MACROD2: variants seen among roughly 807,000 people sequenced by gnomAD.
MACROD2 encodes the protein ADP-ribose glycohydrolase MACROD2.
In MACROD2, 36 loss-of-function variants were observed where a neutral mutation model predicts 70.4. The ratio of observed to expected loss-of-function variants is 0.51; its 90% confidence interval spans 0.39 to 0.68. The LOEUF is 0.68. Among genes scored for constraint, MACROD2 ranks in the 30% least tolerant of loss-of-function variants. MACROD2 has a pLI of 0.00. For synonymous variants in MACROD2, 172 were observed against 178.8 expected, an observed-to-expected ratio of 0.96 and a Z score of 0.30; for missense variants, 496 against 538.4, an observed-to-expected ratio of 0.92 and a Z score of 0.78.
intron 8 of MACROD2, among the ~76,000 whole-genome samples, chr20:15,546,347 T>C (rs1329561667): frequency 1.3e-5 from 2 of 152,152 alleles, no homozygotes; most frequent in East Asian, 3.9e-4. Context: ...TCTCCTTTAT[T>C]CCTCTCAACA....
intron 6 of MACROD2, among the ~76,000 whole-genome samples, chr20:15,231,188 T>G (rs2076956198): frequency 6.6e-6 from 1 of 152,042 alleles, no homozygotes; most frequent in Non-Finnish European, 1.5e-5. Flanking sequence ...TTTTTAATCT[T>G]TGGATAATTA....
chr20:14,536,628 T>G (rs888187280), intron 4 of MACROD2, among the ~76,000 whole-genome samples: 5 of 82,952 alleles, frequency 6.0e-5, no homozygotes, highest in African/African-American at 2.0e-4. Context: ...GTAACATTGG[T>G]GTGTGTGTGT....
intron 4 of MACROD2, among the ~76,000 whole-genome samples, chr20:14,583,271 C>T (rs540863542): frequency 1.3e-5 from 2 of 152,116 alleles, no homozygotes; most frequent in Admixed American, 6.5e-5. Flanking sequence ...AACCCACAGA[C>T]CGTTAGGGGC....
chr20:15,111,182 T>G (rs1179753330), intron 5 of MACROD2, among the ~76,000 whole-genome samples: 24 of 151,472 alleles, frequency 1.6e-4, no homozygotes, highest in South Asian at 4.2e-4. Flanking sequence ...TGTTTGTTTT[T>G]TTTTTTTTGC....
intron 8 of MACROD2, among the ~76,000 whole-genome samples, chr20:15,639,959 GAGAA>G (rs1334646716): frequency 6.7e-6 from 1 of 149,500 alleles, no homozygotes; most frequent in Non-Finnish European, 1.5e-5. Context: ...GAGGGGATGA[GAGAA>G]AGAAGGAGAA....
intron 5 of MACROD2, among the ~76,000 whole-genome samples, chr20:15,026,231 A>G (rs1332099949): frequency 6.6e-6 from 1 of 152,186 alleles, no homozygotes; most frequent in Non-Finnish European, 1.5e-5. Flanking sequence ...GGCATTTACC[A>G]TTGTTTAAGG....
Position 14,469,978 on chromosome 20 carries a change from G to A in MACROD2, c.272-23501G>A, listed in dbSNP as rs538520959. ...TCCAGTTTTGTTCCCTTGCTGGTGA[G>A]GAGTTGTAATCCTTTGGAGGAGAAG... On this transcript the variant is annotated intron_variant, in intron 3 of 17. Transcript: ENST00000684519. Among the ~76,000 whole-genome samples the A allele has an allele frequency of 5.3e-5, 8 of 152,114 alleles. No homozygotes were observed. In the South Asian group the frequency reaches 1.5e-3, roughly 28 times the overall value.
At chr20:15,881,893 A>G (rs1445084767) in intron 9 of MACROD2, among the ~76,000 whole-genome samples, 2 of 152,098 alleles carry the variant, frequency 1.3e-5, no homozygotes, top group Non-Finnish European at 2.9e-5. Context: ...AATTTCTTTC[A>G]TTGTTATACT....
intron 3 of MACROD2, among the ~76,000 whole-genome samples, chr20:14,215,933 C>G (rs1247930658): frequency 1.3e-5 from 2 of 152,038 alleles, no homozygotes; most frequent in African/African-American, 4.8e-5. Context: ...GATGTATAGA[C>G]TGTAAAGATT....
intron 3 of MACROD2, among the ~76,000 whole-genome samples, chr20:14,463,006 T>A (rs1194446627): frequency 1.3e-5 from 2 of 152,098 alleles, no homozygotes; most frequent in African/African-American, 4.8e-5. Context: ...TAGGATTGAC[T>A]TGGCAATGCG....
chr20:15,516,721 A>C lies in MACROD2; in HGVS notation c.645+16874A>C, dbSNP rs571513565. Among the ~76,000 whole-genome samples the C allele has an allele frequency of 2.6e-5, 4 of 152,306 alleles. No individual in the cohort carries two copies. The South Asian group carries it at 8.3e-4, about 32-fold the overall frequency. ...CACCTGATCCTCGGTCCACAGACTC[A>C]AGAGGTCTCAGAGAGTTTGTAAATT... On this transcript the variant is annotated intron_variant, in intron 8 of 17. Transcript: ENST00000684519.
intron 3 of MACROD2, among the ~76,000 whole-genome samples, chr20:14,456,042 A>C (rs2084298777): frequency 6.6e-6 from 1 of 151,836 alleles, no homozygotes; most frequent in South Asian, 2.1e-4. Context: ...TATATGAATT[A>C]AAGAATTCTC....
At chr20:15,302,831 C>T (rs2077660148) in intron 6 of MACROD2, among the ~76,000 whole-genome samples, 1 of 152,182 alleles carries the variant, frequency 6.6e-6, no homozygotes, top group African/African-American at 2.4e-5. Flanking sequence ...AAACCTGGTG[C>T]ATTTCCTCAA....
intron 7 of MACROD2, among the ~76,000 whole-genome samples, chr20:15,474,065 C>T (rs73254709): frequency 0.063 from 9,637 of 152,058 alleles, 364 homozygotes; most frequent in African/African-American, 0.11. Context: ...AAAATAGGAA[C>T]GAGAATTAAT....
chr20:15,546,079 C>G (rs984762809), intron 8 of MACROD2, among the ~76,000 whole-genome samples: 9 of 152,124 alleles, frequency 5.9e-5, no homozygotes, highest in African/African-American at 2.2e-4. Context: ...GGTGAAACCC[C>G]GTCTAAAAAT....
At position 14,093,897 on chromosome 20, in the gene MACROD2, A is replaced by G. The variant is rs188507802; in HGVS notation, c.271+8169A>G. 1.3e-3 allele frequency among the ~76,000 whole-genome samples: 202 copies of G among 152,300 alleles called. 1 individual carries two copies. The Middle Eastern group carries it at 0.027, about 21-fold the overall frequency. The stretch of plus-strand genomic sequence containing the variant: ...GAGTGTATATTGCACTTAGGAAACC[A>G]CATGTGGCTGAGTGTGCTTGGAGCA... On this transcript the variant is annotated intron_variant, in intron 3 of 17. Transcript: ENST00000684519.
chr20:15,635,391 A>G (rs1437981639), intron 8 of MACROD2, among the ~76,000 whole-genome samples: 1 of 152,174 alleles, frequency 6.6e-6, no homozygotes, highest in Non-Finnish European at 1.5e-5. Context: ...TAATATGTCC[A>G]TTTCTATTTT....
At chr20:14,720,569 T>TTTTTTTTTTTTTTG (rs531072431) in intron 5 of MACROD2, among the ~76,000 whole-genome samples, 5 of 84,156 alleles carry the variant, frequency 5.9e-5, no homozygotes, top group Non-Finnish European at 9.7e-5. Flanking sequence ...TTTTTTTTTT[T>TTTTTTTTTTTTTTG]TGTGAGGCAG....
chr20:15,744,502 C>T (rs1050679127), intron 8 of MACROD2, among the ~76,000 whole-genome samples: 1 of 152,118 alleles, frequency 6.6e-6, no homozygotes, highest in Admixed American at 6.6e-5. Flanking sequence ...ATTTAAATGC[C>T]TTCCCTGGTG....
Sources: gnomAD v4.1 joint callset for allele counts (sites outside exome capture counted in the v4.1 genomes callset) on GRCh38, gnomAD v4.1.1 for gene constraint, MANE v1.5 for transcripts, NCBI Gene and HGNC (gene_info 2026-07-23, HGNC 2026-07-21) for gene names.